The following AFG2A variants were observed in gnomAD, a reference collection of about 807,000 sequenced individuals.
The protein encoded by AFG2A is ATPase family gene 2 protein homolog A.
At chr4:123,017,297 A>G in the AFG2A span, among the ~76,000 whole-genome samples, 26 of 150,308 alleles carry the variant, frequency 1.7e-4, no homozygotes, top group Non-Finnish European at 3.5e-4. Context: ...TTTCTTTTTA[A>G]TCAACGGGAG....
the AFG2A span, among the ~76,000 whole-genome samples, chr4:123,179,307 C>CTACTTACTTACT: frequency 2.5e-3 from 377 of 149,672 alleles, no homozygotes; most frequent in African/African-American, 6.4e-3. Context: ...CTCACACATA[C>CTACTTACTTACT]TACTTACTTA....
At chr4:123,090,985 T>TCC in the AFG2A span, among the ~76,000 whole-genome samples, 4 of 152,206 alleles carry the variant, frequency 2.6e-5, no homozygotes, top group Non-Finnish European at 5.9e-5. Context: ...CTCTCAAGGT[T>TCC]CAGGAAAACT....
chr4:123,265,699 C>T, the AFG2A span, among the ~76,000 whole-genome samples: 2 of 152,006 alleles, frequency 1.3e-5, no homozygotes, highest in Non-Finnish European at 2.9e-5. Context: ...TACACCCAAA[C>T]ATGGAAGCCT....
the AFG2A span, among the ~76,000 whole-genome samples, chr4:122,994,411 C>G: frequency 6.6e-6 from 1 of 152,078 alleles, no homozygotes; most frequent in Admixed American, 6.6e-5. Context: ...ATAAGTTTCT[C>G]TATGTACACC....
the AFG2A span, among the ~76,000 whole-genome samples, chr4:123,163,615 A>T: frequency 6.6e-6 from 1 of 152,096 alleles, no homozygotes; most frequent in African/African-American, 2.4e-5. Context: ...CCCACTTATG[A>T]CCTCTTAACA....
the AFG2A span, among the ~76,000 whole-genome samples, chr4:123,166,069 T>A: frequency 2.0e-5 from 3 of 152,220 alleles, no homozygotes; most frequent in Non-Finnish European, 4.4e-5. Context: ...TTTTTTTACT[T>A]CATAAATACA....
At chr4:123,177,385 G>A in the AFG2A span, among the ~76,000 whole-genome samples, 1 of 152,038 alleles carries the variant, frequency 6.6e-6, no homozygotes, top group East Asian at 1.9e-4. Context: ...TAGAGACGGG[G>A]TTTCACCGTG....
the AFG2A span, chr4:123,256,974 G>A: frequency 2.3e-6 from 1 of 433,070 alleles, no homozygotes; most frequent in Non-Finnish European, 3.1e-6. Flanking sequence ...GACTTTTAAT[G>A]GGAGATTAAT....
the AFG2A span, chr4:123,314,818 C>G: frequency 6.7e-6 from 1 of 149,620 alleles, no homozygotes; most frequent in Non-Finnish European, 1.5e-5. Context: ...TGCAGTGGCA[C>G]GATCTTGGCT....
the AFG2A span, among the ~76,000 whole-genome samples, chr4:122,934,949 A>G: frequency 2.0e-5 from 3 of 152,226 alleles, no homozygotes; most frequent in Non-Finnish European, 2.9e-5. Context: ...AATTAGTGAC[A>G]GCCTTGTCTC....
the AFG2A span, among the ~76,000 whole-genome samples, chr4:123,249,421 T>C: frequency 6.6e-6 from 1 of 152,160 alleles, no homozygotes; most frequent in African/African-American, 2.4e-5. Context: ...TCTCACAGGG[T>C]GAGAAATGCT....
the AFG2A span, among the ~76,000 whole-genome samples, chr4:123,222,685 A>T: frequency 6.6e-6 from 1 of 151,824 alleles, no homozygotes; most frequent in Admixed American, 6.6e-5. Context: ...TTGATTAGTA[A>T]CTCCTCATTT....
At chr4:123,061,937 G>C in the AFG2A span, among the ~76,000 whole-genome samples, 1 of 152,194 alleles carries the variant, frequency 6.6e-6, no homozygotes, top group Non-Finnish European at 1.5e-5. Context: ...GGGATATCCT[G>C]TTAAATATGA....
chr4:123,175,217 CAG>C, the AFG2A span, among the ~76,000 whole-genome samples: 2 of 151,760 alleles, frequency 1.3e-5, no homozygotes, highest in Non-Finnish European at 2.9e-5. Flanking sequence ...AAAAAATTAA[CAG>C]AATAGTGACA....
chr4:123,289,748 G>C, the AFG2A span, among the ~76,000 whole-genome samples: 1 of 152,062 alleles, frequency 6.6e-6, no homozygotes, highest in Non-Finnish European at 1.5e-5. Context: ...ATATCTCATT[G>C]TGGTTTTAAT....
the AFG2A span, among the ~76,000 whole-genome samples, chr4:123,151,447 A>T: frequency 1.3e-5 from 2 of 152,152 alleles, no homozygotes; most frequent in East Asian, 3.8e-4. Context: ...TTCCCATCAA[A>T]AAGTGGGTGA....
the AFG2A span, among the ~76,000 whole-genome samples, chr4:123,074,779 T>C: frequency 1.3e-5 from 2 of 152,174 alleles, no homozygotes; most frequent in African/African-American, 4.8e-5. Flanking sequence ...TAAGAGAAAA[T>C]TAAAAGGGAG....
At chr4:122,951,551 T>C in the AFG2A span, among the ~76,000 whole-genome samples, 2 of 152,054 alleles carry the variant, frequency 1.3e-5, no homozygotes, top group African/African-American at 4.8e-5. Flanking sequence ...CAGGGAGAAA[T>C]GTGTACTGGA....
the AFG2A span, among the ~76,000 whole-genome samples, chr4:122,945,694 T>C: frequency 0.062 from 9,411 of 152,296 alleles, 915 homozygotes; most frequent in African/African-American, 0.21. Context: ...GAGATGAACC[T>C]GGTACCTCAG....
Sources: gnomAD v4.1 joint callset for allele counts (sites outside exome capture counted in the v4.1 genomes callset) on GRCh38, gnomAD v4.1.1 for gene constraint, MANE v1.5 for transcripts, NCBI Gene and HGNC (gene_info 2026-07-23, HGNC 2026-07-21) for gene names.